The following BMAL1 variants were observed in gnomAD, a reference collection of about 807,000 sequenced individuals.
The protein encoded by BMAL1 is basic helix-loop-helix ARNT-like protein 1.
chr11:13,325,076 T>C, the BMAL1 span, among the ~76,000 whole-genome samples: 1 of 152,230 alleles, frequency 6.6e-6, no homozygotes, highest in Non-Finnish European at 1.5e-5. Context: ...TTGATTTCTA[T>C]TGGGATAACT....
At chr11:13,285,837 C>CT in the BMAL1 span, among the ~76,000 whole-genome samples, 5 of 152,252 alleles carry the variant, frequency 3.3e-5, no homozygotes, top group East Asian at 5.8e-4. Context: ...TCATACCCTG[C>CT]TTAGAAGGCT....
At chr11:13,298,336 C>T in the BMAL1 span, among the ~76,000 whole-genome samples, 1 of 152,168 alleles carries the variant, frequency 6.6e-6, no homozygotes, top group Non-Finnish European at 1.5e-5. Flanking sequence ...ATTCTTCCCC[C>T]AGAGGTGTGT....
At chr11:13,324,693 T>C in the BMAL1 span, among the ~76,000 whole-genome samples, 5 of 152,372 alleles carry the variant, frequency 3.3e-5, no homozygotes, top group East Asian at 7.7e-4. Flanking sequence ...GACCTGGTCT[T>C]ATCTATTGCA....
the BMAL1 span, among the ~76,000 whole-genome samples, chr11:13,299,190 T>C: frequency 8.5e-5 from 13 of 152,288 alleles, no homozygotes; most frequent in Non-Finnish European, 1.5e-4. Flanking sequence ...GTGGTATATT[T>C]AGAGCAAATT....
chr11:13,375,598 C>G, the BMAL1 span: 1 of 1,549,796 alleles, frequency 6.5e-7, no homozygotes, highest in Non-Finnish European at 8.7e-7. Context: ...TCCATGTTTT[C>G]TTTACATTTT....
At chr11:13,354,159 C>G in the BMAL1 span, 131 of 771,510 alleles carry the variant, frequency 1.7e-4, 1 homozygote, top group Admixed American at 3.2e-3. Flanking sequence ...GTGAGAGATG[C>G]ATTAGTGCTG....
At chr11:13,295,328 G>T in the BMAL1 span, among the ~76,000 whole-genome samples, 1 of 102,792 alleles carries the variant, frequency 9.7e-6, no homozygotes, top group African/African-American at 2.7e-5. Context: ...AGACGATGTG[G>T]TAGAGGGAGA....
the BMAL1 span, among the ~76,000 whole-genome samples, chr11:13,352,869 G>A: frequency 6.6e-6 from 1 of 152,184 alleles, no homozygotes; most frequent in Admixed American, 6.5e-5. Flanking sequence ...CCTACTCCAC[G>A]GAGCTCAGAC....
At chr11:13,369,280 C>G in the BMAL1 span, among the ~76,000 whole-genome samples, 1 of 152,192 alleles carries the variant, frequency 6.6e-6, no homozygotes, top group Non-Finnish European at 1.5e-5. Context: ...CATACATCAC[C>G]CTGTCCTATT....
the BMAL1 span, chr11:13,365,659 C>A: frequency 7.5e-7 from 1 of 1,332,686 alleles, no homozygotes; most frequent in Non-Finnish European, 1.1e-6. Flanking sequence ...TCAATTTTGT[C>A]AGAATAATTA....
the BMAL1 span, among the ~76,000 whole-genome samples, chr11:13,280,539 C>T: frequency 6.6e-6 from 1 of 152,194 alleles, no homozygotes; most frequent in East Asian, 1.9e-4. Flanking sequence ...ATTAAATAAA[C>T]AGTTTCAGCC....
chr11:13,324,217 A>C, the BMAL1 span, among the ~76,000 whole-genome samples: 1 of 152,124 alleles, frequency 6.6e-6, no homozygotes, highest in African/African-American at 2.4e-5. Flanking sequence ...GTCTTTTAAA[A>C]AGCAAATTTG....
the BMAL1 span, among the ~76,000 whole-genome samples, chr11:13,326,145 G>C: frequency 2.0e-5 from 3 of 151,174 alleles, no homozygotes; most frequent in Non-Finnish European, 4.4e-5. Flanking sequence ...AGAGGTTGCA[G>C]TTGAGCCGAT....
At chr11:13,358,665 T>A in the BMAL1 span, 2 of 1,374,742 alleles carry the variant, frequency 1.5e-6, no homozygotes, top group African/African-American at 3.0e-5. Context: ...AATGTTCCTA[T>A]CCCTAAGGCA....
At chr11:13,362,293 C>G in the BMAL1 span, among the ~76,000 whole-genome samples, 2 of 152,344 alleles carry the variant, frequency 1.3e-5, no homozygotes, top group African/African-American at 4.8e-5. Context: ...CCTCCCCCTT[C>G]TCTCCTGAAT....
At chr11:13,297,280 GAGACA>G in the BMAL1 span, among the ~76,000 whole-genome samples, 4 of 152,202 alleles carry the variant, frequency 2.6e-5, no homozygotes, top group African/African-American at 9.7e-5. Flanking sequence ...CCTTGGTTTT[GAGACA>G]AGACAAGCCT....
chr11:13,313,507 C>T, the BMAL1 span, among the ~76,000 whole-genome samples: 3 of 152,242 alleles, frequency 2.0e-5, no homozygotes, highest in East Asian at 1.9e-4. Context: ...GCTTGGTCCA[C>T]GCCCCTCAGT....
chr11:13,325,035 G>C, the BMAL1 span, among the ~76,000 whole-genome samples: 1 of 152,226 alleles, frequency 6.6e-6, no homozygotes, highest in Non-Finnish European at 1.5e-5. Context: ...AGAGGGGACA[G>C]ATGACAGGAC....
the BMAL1 span, chr11:13,375,565 T>G: frequency 6.8e-7 from 1 of 1,479,728 alleles, no homozygotes; most frequent in South Asian, 1.4e-5. Flanking sequence ...TGTTTAATAC[T>G]TTGGTCTGAG....
Sources: gnomAD v4.1 joint callset for allele counts (sites outside exome capture counted in the v4.1 genomes callset) on GRCh38, gnomAD v4.1.1 for gene constraint, MANE v1.5 for transcripts, NCBI Gene and HGNC (gene_info 2026-07-23, HGNC 2026-07-21) for gene names.